SPATA17: variants seen among roughly 807,000 people sequenced by gnomAD.
SPATA17 encodes spermatogenesis-associated protein 17.
SPATA17 carries 53 observed loss-of-function variants against 62.2 expected under a neutral mutation model. That is an observed-to-expected ratio of 0.85 (90% CI 0.68 to 1.07). SPATA17 has a LOEUF of 1.07. SPATA17 is among the 50% of genes least tolerant of loss of function. The pLI is 0.00. For synonymous variants in SPATA17, 146 were observed against 146.8 expected, an observed-to-expected ratio of 0.99 and a Z score of 0.04; for missense variants, 466 against 425.5, an observed-to-expected ratio of 1.10 and a Z score of -0.84.
chr1:217,690,188 C>T (rs1236140468), intron 5 of SPATA17, among the ~76,000 whole-genome samples: 2 of 152,126 alleles, frequency 1.3e-5, no homozygotes, highest in East Asian at 3.8e-4. Context: ...TAGGCGTGAG[C>T]CACCGGGCCC....
chr1:217,755,387 G>A (rs1423825964), intron 6 of SPATA17, among the ~76,000 whole-genome samples: 1 of 152,046 alleles, frequency 6.6e-6, no homozygotes, highest in Admixed American at 6.5e-5. Flanking sequence ...GGAGAAGAAA[G>A]GGAAAAGAAT....
intron 1 of SPATA17, among the ~76,000 whole-genome samples, chr1:217,642,474 C>T (rs1670086517): frequency 6.6e-6 from 1 of 152,136 alleles, no homozygotes; most frequent in Non-Finnish European, 1.5e-5. Context: ...GCTTTCCTTG[C>T]TTTTTCCTTG....
At chr1:217,635,085 C>A (rs1255174159) in intron 1 of SPATA17, among the ~76,000 whole-genome samples, 1 of 152,162 alleles carries the variant, frequency 6.6e-6, no homozygotes, top group Non-Finnish European at 1.5e-5. Context: ...TGTTCATTTT[C>A]CCCATATTCT....
intron 9 of SPATA17, among the ~76,000 whole-genome samples, chr1:217,812,804 G>A (rs754023240): frequency 3.3e-4 from 50 of 152,308 alleles, no homozygotes; most frequent in Non-Finnish European, 6.6e-4. Flanking sequence ...AAGCAGAAAT[G>A]ATATTCTAAA....
chr1:217,852,615 G>C (rs1426171254), intron 9 of SPATA17, among the ~76,000 whole-genome samples: 1 of 152,134 alleles, frequency 6.6e-6, no homozygotes, highest in Non-Finnish European at 1.5e-5. Context: ...TGATGCTGTG[G>C]CCCTACATTC....
chr1:217,784,169 A>G (rs572474246), intron 8 of SPATA17, among the ~76,000 whole-genome samples: 2 of 152,270 alleles, frequency 1.3e-5, no homozygotes, highest in South Asian at 2.1e-4. Flanking sequence ...GTGACAAAAG[A>G]AATGTTAGAA....
At chr1:217,741,310 A>G (rs1394435673) in intron 5 of SPATA17, among the ~76,000 whole-genome samples, 1 of 152,150 alleles carries the variant, frequency 6.6e-6, no homozygotes. Context: ...TATTTCTTAG[A>G]TACACATAAA....
chr1:217,708,315 C>T (rs972758112), intron 5 of SPATA17, among the ~76,000 whole-genome samples: 6 of 151,770 alleles, frequency 4.0e-5, no homozygotes, highest in Admixed American at 2.6e-4. Flanking sequence ...AGACTAATAA[C>T]GAGAAAAAGA....
intron 9 of SPATA17, among the ~76,000 whole-genome samples, chr1:217,857,947 T>G (rs906293249): frequency 2.6e-5 from 4 of 152,174 alleles, no homozygotes; most frequent in African/African-American, 9.7e-5. Flanking sequence ...TAGCATAGTG[T>G]CAGACACATT....
At chr1:217,818,594 T>G (rs1173248527) in intron 9 of SPATA17, among the ~76,000 whole-genome samples, 5 of 151,978 alleles carry the variant, frequency 3.3e-5, no homozygotes, top group African/African-American at 9.7e-5. Flanking sequence ...AACCATACTG[T>G]AAAGTATAAT....
chr1:217,728,897 C>G (rs576611152), intron 5 of SPATA17, among the ~76,000 whole-genome samples: 1 of 152,246 alleles, frequency 6.6e-6, no homozygotes, highest in African/African-American at 2.4e-5. Context: ...TCAGGTAAGC[C>G]TTGTTATGCT....
intron 7 of SPATA17, among the ~76,000 whole-genome samples, chr1:217,777,158 G>A (rs1429218894): frequency 1.3e-5 from 2 of 151,876 alleles, no homozygotes; most frequent in Non-Finnish European, 2.9e-5. Context: ...CCACTTTACT[G>A]TAATTATTTG....
At chr1:217,654,990 G>A (rs57776138) in intron 3 of SPATA17, among the ~76,000 whole-genome samples, 5,881 of 152,236 alleles carry the variant, frequency 0.039, 364 homozygotes, top group African/African-American at 0.13. Context: ...GATTATAGGC[G>A]TGAGCCACCG....
intron 3 of SPATA17, among the ~76,000 whole-genome samples, chr1:217,663,705 A>G (rs1012958727): frequency 9.2e-5 from 14 of 152,150 alleles, no homozygotes; most frequent in Non-Finnish European, 1.9e-4. Context: ...TGTATTTTTC[A>G]ATCTAGCAAA....
At position 217,631,382 on chromosome 1, in the gene SPATA17, G is replaced by A. The variant is rs193045993; in HGVS notation, c.4G>A (p.Ala2Thr). 3.6e-4 allele frequency: 578 copies of A among 1,614,096 alleles called. 8 individuals are homozygous for A. In the East Asian group the frequency reaches 9.5e-3, roughly 27 times the overall value. Residue 2 changes from alanine (A) to threonine (T), a missense_variant, in exon 1 of 11, where the codon GCC becomes ACC. By Grantham distance (58) the Ala-to-Thr change is moderately conservative. Transcript: ENST00000366933. The part of the protein sequence containing the change: M[A>T]TLARLQARSS... ...GTAAACCCAAGGCCAAGAGACCATG[G>A]CCACGTTAGCCCGGCTGCAAGCTAG...
chr1:217,814,389 TCC>T (rs1674665234), intron 9 of SPATA17, among the ~76,000 whole-genome samples: 1 of 152,188 alleles, frequency 6.6e-6, no homozygotes. Flanking sequence ...ATTCACATTA[TCC>T]CAGGTAAGAT....
chr1:217,727,444 A>G (rs1458292537), intron 5 of SPATA17, among the ~76,000 whole-genome samples: 1 of 151,902 alleles, frequency 6.6e-6, no homozygotes, highest in Non-Finnish European at 1.5e-5. Context: ...TTCCCTACTC[A>G]TTACAGTTCT....
chr1:217,693,608 T>A lies in SPATA17; in HGVS notation c.395+10247T>A, dbSNP rs1261460876. On this transcript the variant is annotated intron_variant, in intron 5 of 10. Coordinates refer to ENST00000366933, the MANE Select transcript of SPATA17 (RefSeq NM_138796.4). Reference sequence around the variant, plus strand: ...TACGGTGTCAATTTTGGATCTTTCCTGCTTTCTCTTGTGGGCATTTAGTGC... The same window carrying A: ...TACGGTGTCAATTTTGGATCTTTCCAGCTTTCTCTTGTGGGCATTTAGTGC... Among the ~76,000 whole-genome samples the A allele has an allele frequency of 6.9e-5, 7 of 101,744 alleles. No individual in the cohort carries two copies. The South Asian group carries it at 2.9e-3, about 42-fold the overall frequency. The allele number at this position is 101,744 out of a possible 152,430, so 66.7% of individuals were successfully genotyped here.
At chr1:217,748,030 G>A (rs574438427) in intron 6 of SPATA17, among the ~76,000 whole-genome samples, 12 of 152,216 alleles carry the variant, frequency 7.9e-5, no homozygotes, top group East Asian at 3.9e-4. Context: ...TTGGCCGGGC[G>A]CGGTGGCTCA....
Sources: gnomAD v4.1 joint callset for allele counts (sites outside exome capture counted in the v4.1 genomes callset) on GRCh38, gnomAD v4.1.1 for gene constraint, MANE v1.5 for transcripts, NCBI Gene and HGNC (gene_info 2026-07-23, HGNC 2026-07-21) for gene names.